The following FSTL5 variants were observed in gnomAD, a reference collection of about 807,000 sequenced individuals.
FSTL5 encodes follistatin like 5.
FSTL5 carries 62 observed loss-of-function variants against 89.1 expected under a neutral mutation model. That is an observed-to-expected ratio of 0.70 (90% CI 0.57 to 0.86). The LOEUF (loss-of-function observed/expected upper bound fraction) is 0.86, where lower values mean the gene tolerates loss of function less well. Among genes scored for constraint, FSTL5 ranks in the 40% least tolerant of loss-of-function variants. The pLI, the probability that FSTL5 is intolerant of heterozygous loss-of-function variation, is 0.00. For synonymous variants in FSTL5, 383 were observed against 346.2 expected, an observed-to-expected ratio of 1.11 and a Z score of -1.18; for missense variants, 1,057 against 1,001.6, an observed-to-expected ratio of 1.06 and a Z score of -0.75.
At chr4:161,566,099 A>AATAT (rs1560956518) in intron 8 of FSTL5, among the ~76,000 whole-genome samples, 8 of 24,638 alleles carry the variant, frequency 3.2e-4, no homozygotes, top group African/African-American at 7.8e-4. Context: ...TTTTTTTTGG[A>AATAT]CTATATATAT....
intron 13 of FSTL5, among the ~76,000 whole-genome samples, chr4:161,471,932 C>A (rs557732675): frequency 1.2e-4 from 18 of 151,008 alleles, no homozygotes; most frequent in Admixed American, 2.0e-4. Context: ...TAATTAAAAT[C>A]TCTTTCTCTT....
rs186072648 is a variant in FSTL5 at position 161,917,970 on chromosome 4, T to A, written c.409+2434A>T. 1.9e-3 allele frequency among the ~76,000 whole-genome samples: 296 copies of A among 152,328 alleles called. 1 individual carries two copies. The highest frequency in any genetic ancestry group is 2.1e-3 in the Non-Finnish European group (144 of 68,030). On this transcript the variant is annotated intron_variant, in intron 4 of 15. Coordinates refer to ENST00000306100, the MANE Select transcript of FSTL5 (RefSeq NM_020116.5). The stretch of plus-strand genomic sequence containing the variant: ...GTAGCAAATATATTTTCCATTTTTT[T>A]ATTTAACTTTTCATTTTTTCTTTAA...
intron 4 of FSTL5, among the ~76,000 whole-genome samples, chr4:161,843,640 C>A (rs1560877044): frequency 6.6e-6 from 1 of 152,076 alleles, no homozygotes; most frequent in Non-Finnish European, 1.5e-5. Context: ...AATACTGCCA[C>A]ACATCTACAA....
chr4:161,760,756 T>C (rs1740764350), intron 5 of FSTL5, among the ~76,000 whole-genome samples: 1 of 152,218 alleles, frequency 6.6e-6, no homozygotes. Context: ...ATCATTTCTT[T>C]TGGTGGAGCA....
chr4:162,013,076 T>G (rs1477828294), intron 3 of FSTL5, among the ~76,000 whole-genome samples: 4 of 151,690 alleles, frequency 2.6e-5, no homozygotes, highest in Non-Finnish European at 5.9e-5. Flanking sequence ...CCCAACTACT[T>G]GGGAGGCTGA....
In FSTL5 at chr4:161,385,042, T is replaced by A. The variant is rs1730564679; in HGVS notation, c.*705A>T. 1 of 152,174 alleles carries A rather than the reference T, an allele frequency of 6.6e-6. No individual in the cohort carries two copies. The highest frequency in any genetic ancestry group is 2.4e-5 in the African/African-American group (1 of 41,424). The allele number at this position is 152,174 out of a possible 1,614,324, so 9.4% of individuals were successfully genotyped here. ...ACTGTAATTATTTTTCCTCCCTTCC[T>A]CCCCACTTTCTATAGCATGCTGCAG... On this transcript the variant is annotated 3_prime_UTR_variant, in exon 16 of 16. Coordinates refer to ENST00000306100, the MANE Select transcript of FSTL5 (RefSeq NM_020116.5).
At position 161,522,318 on chromosome 4, in the gene FSTL5, C is replaced by T. The variant is rs918442204; in HGVS notation, c.1313-11894G>A. On this transcript the variant is annotated intron_variant, in intron 10 of 15. Coordinates refer to ENST00000306100, the MANE Select transcript of FSTL5 (RefSeq NM_020116.5). Reference sequence around the variant, plus strand: ...TGGCTGTGGTAAGAATGAACGTAGGCACTGAAATGTGAGAGCATTTCCAGC... The same window carrying T: ...TGGCTGTGGTAAGAATGAACGTAGGTACTGAAATGTGAGAGCATTTCCAGC... Among the ~76,000 whole-genome samples the T allele has an allele frequency of 2.0e-5, 3 of 152,132 alleles. No homozygotes were observed. In the South Asian group the frequency reaches 6.2e-4, roughly 32 times the overall value.
At chr4:161,561,107 C>G (rs1300362870) in intron 8 of FSTL5, among the ~76,000 whole-genome samples, 1 of 151,808 alleles carries the variant, frequency 6.6e-6, no homozygotes, top group East Asian at 1.9e-4. Flanking sequence ...TATTTCAGCT[C>G]CATTATAAAC....
rs139882165 is a variant in FSTL5, at chr4:162,010,921, G to A, written c.160+22704C>T. On this transcript the variant is annotated intron_variant, in intron 3 of 15. Transcript: ENST00000306100. ...ACATTTATGTACAACTTTTTGTGTG[G>A]GTATATGTTTTTATTTCTCTTATAT... is the stretch of plus-strand genomic sequence containing the variant. 1.4e-3 allele frequency among the ~76,000 whole-genome samples: 208 copies of A among 151,768 alleles called. 2 individuals carry two copies. The highest frequency in any genetic ancestry group is 3.8e-3 in the Admixed American group (58 of 15,244).
At chr4:161,631,914 G>C (rs1177092470) in intron 7 of FSTL5, among the ~76,000 whole-genome samples, 1 of 152,062 alleles carries the variant, frequency 6.6e-6, no homozygotes, top group Non-Finnish European at 1.5e-5. Flanking sequence ...TGGGAACTCA[G>C]GTAAAGCATT....
chr4:161,753,950 G>A (rs913451428), intron 6 of FSTL5, among the ~76,000 whole-genome samples: 2 of 148,900 alleles, frequency 1.3e-5, no homozygotes, highest in Admixed American at 1.4e-4. Flanking sequence ...GCTGAGGCAG[G>A]AGAATGGTGT....
At chr4:161,916,587 A>T (rs1447995193) in intron 4 of FSTL5, among the ~76,000 whole-genome samples, 2 of 152,186 alleles carry the variant, frequency 1.3e-5, no homozygotes, top group Non-Finnish European at 2.9e-5. Flanking sequence ...AAATGCTACA[A>T]TATTCTATAT....
At chr4:162,060,055 T>C (rs1446542239) in intron 2 of FSTL5, among the ~76,000 whole-genome samples, 1 of 152,124 alleles carries the variant, frequency 6.6e-6, no homozygotes, top group Non-Finnish European at 1.5e-5. Context: ...TTACAATTGA[T>C]CTCAAAATTG....
chr4:161,916,735 T>G (rs891956566), intron 4 of FSTL5, among the ~76,000 whole-genome samples: 4 of 152,060 alleles, frequency 2.6e-5, no homozygotes, highest in African/African-American at 7.2e-5. Flanking sequence ...ATTGGTAAAT[T>G]TACGTGTATA....
Position 162,093,961 on chromosome 4 carries a change from T to C in FSTL5, c.126+17310A>G, listed in dbSNP as rs578255496. Among the ~76,000 whole-genome samples the C allele has an allele frequency of 2.0e-5, 3 of 152,264 alleles. No individual in the cohort carries two copies. The South Asian group carries it at 6.2e-4, about 31-fold the overall frequency. ...AAATTTGGTCACAGCAGCAATAATA[T>C]ATCATCTGCTCACATCTCATCGTTT... On this transcript the variant is annotated intron_variant, in intron 2 of 15. Coordinates refer to ENST00000306100, the MANE Select transcript of FSTL5 (RefSeq NM_020116.5).
At chr4:161,528,261 A>T (rs1157926428) in intron 10 of FSTL5, among the ~76,000 whole-genome samples, 2 of 142,020 alleles carry the variant, frequency 1.4e-5, no homozygotes, top group Non-Finnish European at 3.1e-5. Flanking sequence ...TAACCTGCAC[A>T]TTGTGCACAT....
In FSTL5 at chr4:161,455,090, C is replaced by G. The variant is rs544088580; in HGVS notation, c.1755G>C (p.Thr585=). 9.9e-6 allele frequency: 16 copies of G among 1,612,472 alleles called. No homozygotes were observed. In the African/African-American group the frequency reaches 2.0e-4, roughly 20 times the overall value. ...GCTTTCCCACTGGTTGGGTGTGGAT[C>G]GTGTGGTGAGGCACATTCCCACTGG... ...TLASGNVPHH[T]IHTQPVGKQF... Residue 585 remains threonine, a synonymous_variant, in exon 15 of 16, where the codon ACG becomes ACC. Transcript: ENST00000306100.
intron 4 of FSTL5, among the ~76,000 whole-genome samples, chr4:161,825,784 C>G (rs572593487): frequency 6.6e-6 from 1 of 152,130 alleles, no homozygotes; most frequent in South Asian, 2.1e-4. Context: ...CTCTTCCTTA[C>G]CTAGTTAATC....
At chr4:161,526,291 T>A (rs1731216993) in intron 10 of FSTL5, among the ~76,000 whole-genome samples, 1 of 152,196 alleles carries the variant, frequency 6.6e-6, no homozygotes, top group South Asian at 2.1e-4. Flanking sequence ...AGGGCATATT[T>A]GAGATAAAAG....
Sources: gnomAD v4.1 joint callset for allele counts (sites outside exome capture counted in the v4.1 genomes callset) on GRCh38, gnomAD v4.1.1 for gene constraint, MANE v1.5 for transcripts, NCBI Gene and HGNC (gene_info 2026-07-23, HGNC 2026-07-21) for gene names.